CIITA: variants seen among roughly 807,000 people sequenced by gnomAD.
The protein encoded by CIITA is MHC class II transactivator.
CIITA carries 72 observed loss-of-function variants against 115.1 expected under a neutral mutation model. The ratio of observed to expected loss-of-function variants is 0.63; its 90% CI spans 0.52 to 0.76. The LOEUF is 0.76. Among genes scored for constraint, CIITA ranks in the 30% least tolerant of loss-of-function variants. The pLI, the probability that CIITA is intolerant of heterozygous loss-of-function variation, is 0.00. For missense variants in CIITA, 1,617 were observed against 1,463.8 expected (o/e 1.10, Z -1.71); for synonymous variants, 763 against 635.6 (o/e 1.20, Z -3.02).
Position 10,941,758 on chromosome 16 carries a change from G to C in CIITA, n.884G>C. On this transcript the variant is annotated non_coding_transcript_exon_variant, in exon 2 of 2. Coordinates refer to the CIITA transcript ENST00000573379. The surrounding 1 kb of genome is among the most constrained non-coding windows in gnomAD (Gnocchi z 6.4). ...ATCAAAGACGTCGAGCTCCGAGTCA[G>C]CATCGTAAAGGCCCGAGCCGGGGTC... The C allele has an allele frequency of 4.3e-6, 7 of 1,612,860 alleles. No individual in the cohort carries two copies. Among genetic ancestry groups the C allele is most frequent in the Non-Finnish European group, 5.1e-6 (6 of 1,179,394 alleles).
chr16:10,917,206 C>T (rs2040001198), intron 15 of CIITA, among the ~76,000 whole-genome samples: 1 of 152,176 alleles, frequency 6.6e-6, no homozygotes, highest in Non-Finnish European at 1.5e-5. Context: ...GACAAGGTCT[C>T]GCTCTGTCAC....
chr16:10,902,345 G>A (rs1006176989), intron 7 of CIITA, among the ~76,000 whole-genome samples, 161 bp downstream of exon 7: 2 of 152,112 alleles, frequency 1.3e-5, no homozygotes, highest in African/African-American at 4.8e-5. Context: ...TGGGGCCCCC[G>A]TCAGCTCAAT....
chr16:10,903,662 G>A (rs1235340208), intron 8 of CIITA, 69 bp from the exon 9 acceptor site: 3 of 1,555,924 alleles, frequency 1.9e-6, no homozygotes, highest in Non-Finnish European at 2.7e-6. Context: ...TTTGGAGTAG[G>A]GGTGACCCAA....
chr16:10,901,215 C>T lies in CIITA; in HGVS notation c.437-299C>T, dbSNP rs769669940. Among the ~76,000 whole-genome samples the T allele has an allele frequency of 1.3e-4, 20 of 152,312 alleles. No individual in the cohort carries two copies. The highest frequency in any genetic ancestry group is 2.2e-4 in the Non-Finnish European group (15 of 68,026). ...ATTGCAAAGGCACACAGCTAGGAAGCGGTTCAAAAGCAGGTTCCTTTGTTT... is the reference window on the plus strand; with the variant it reads ...ATTGCAAAGGCACACAGCTAGGAAGTGGTTCAAAAGCAGGTTCCTTTGTTT... On this transcript the variant is annotated intron_variant, in intron 5 of 19. Transcript: ENST00000324288. The surrounding 1 kb of genome is among the most constrained non-coding windows in gnomAD (Gnocchi z 6.8).
In CIITA at chr16:10,893,302, T is replaced by C. The variant is rs555705696; in HGVS notation, c.53-1980T>C. On this transcript the variant is annotated intron_variant, in intron 1 of 19. Transcript: ENST00000324288. Reference sequence around the variant, plus strand: ...TTTCAGCAGCCCTGGGAAATGAATATACCATGGAAACATGGACCTGAACCA... The same window carrying C: ...TTTCAGCAGCCCTGGGAAATGAATACACCATGGAAACATGGACCTGAACCA... 1.2e-4 allele frequency among the ~76,000 whole-genome samples: 18 copies of C among 152,236 alleles called. No individual in the cohort carries two copies. The East Asian group carries it at 2.3e-3, about 20-fold the overall frequency.
rs750658139 is a variant in CIITA at position 10,906,674 on chromosome 16, A to G, written c.1182A>G (p.Gln394=). Residue 394 remains glutamine (Q), a synonymous_variant, in exon 11 of 20, where the codon CAA becomes CAG. Coordinates refer to ENST00000324288, the MANE Select transcript of CIITA (RefSeq NM_000246.4). ...ACTGGGCAGAACGGCAGCTGGCCCA[A>G]GGAGGCCTGGCTGAGGTGCTGTTGG... ...TPDWAERQLA[Q]GGLAEVLLAA... is the part of the protein sequence containing the mutation. 2 of 1,613,362 alleles carry G rather than the reference A, an allele frequency of 1.2e-6. No homozygotes were observed. The highest frequency in any genetic ancestry group is 1.1e-5 in the South Asian group (1 of 91,080).
At chr16:10,889,506 C>CTTTTTTG (rs369025433) in intron 1 of CIITA, among the ~76,000 whole-genome samples, 13 of 151,720 alleles carry the variant, frequency 8.6e-5, no homozygotes, top group African/African-American at 2.4e-4. Flanking sequence ...GCAGGACAAT[C>CTTTTTTG]TTTTTTGTTT....
rs77623563 is a variant in CIITA, at chr16:10,927,237, T to C, written c.*3382T>C. 5 of 152,366 alleles carry C rather than the reference T, an allele frequency of 3.3e-5. No individual in the cohort carries two copies. The East Asian group carries it at 9.6e-4, about 29-fold the overall frequency. 9.4% of individuals were successfully genotyped at this position (152,366 alleles called of 1,614,324 possible). A position where few individuals can be genotyped will look rare whatever the true frequency, so the allele number is the denominator to read the frequency against. On this transcript the variant is annotated 3_prime_UTR_variant, in exon 20 of 20. Transcript: ENST00000324288. ...TGTTCTTCCCAGCTCTCCATATGGC[T>C]GATTTCTCATCCTTCGGGACTTGCC...
chr16:10,880,560 A>T (rs2143614176), intron 1 of CIITA, among the ~76,000 whole-genome samples: 1 of 152,310 alleles, frequency 6.6e-6, no homozygotes, highest in Middle Eastern at 3.4e-3. Context: ...AGCCCAGCCC[A>T]GTGCAGCAAG....
intron 15 of CIITA, 73 bp downstream of exon 15, chr16:10,916,532 T>A: frequency 7.8e-7 from 1 of 1,279,174 alleles, no homozygotes; most frequent in Non-Finnish European, 1.1e-6. Context: ...AAAATTAATT[T>A]AAATTTGTTT....
In CIITA at chr16:10,902,801, G is replaced by A; in HGVS notation, c.772G>A (p.Gly258Ser). ...TGVSSIFIYHGEVPQASQVPP... is the reference protein window; with the variant it reads ...TGVSSIFIYHSEVPQASQVPP... ...GGTCTCCAGTATATTCATCTACCAT[G>A]GTGAGTGCGGGGCCTGGCTCCCCGA... Residue 258 changes from glycine to serine, a missense_variant and splice_region_variant, in exon 8 of 20, where the codon GGT (glycine) becomes AGT (serine). Coordinates refer to ENST00000324288, the MANE Select transcript of CIITA (RefSeq NM_000246.4). 6.2e-7 allele frequency: 1 copy of A among 1,614,084 alleles called. No homozygotes were observed. The highest frequency in any genetic ancestry group is 8.5e-7 in the Non-Finnish European group (1 of 1,180,014).
chr16:10,903,746 C>T lies in CIITA; in HGVS notation c.788C>T (p.Ala263Val). ...IFIYHGEVPQ[A>V]SQVPPPSGFT... is the part of the protein sequence containing the mutation. The stretch of plus-strand genomic sequence containing the variant: ...CCCAATGTAGGTGAGGTGCCCCAGG[C>T]CAGCCAAGTACCCCCTCCCAGTGGA... Residue 263 changes from alanine to valine, a missense_variant, in exon 9 of 20, where the codon GCC becomes GTC. Physicochemically the swap from Ala to Val is moderately conservative, Grantham distance 64. Coordinates refer to ENST00000324288, the MANE Select transcript of CIITA (RefSeq NM_000246.4). 5 of 1,614,170 alleles carry T rather than the reference C, an allele frequency of 3.1e-6. No individual in the cohort carries two copies. Among genetic ancestry groups the T allele is most frequent in the Non-Finnish European group, 8.5e-7 (1 of 1,180,024 alleles).
At chr16:10,915,359 C>T (rs1021970758) in intron 13 of CIITA, among the ~76,000 whole-genome samples, 4 of 152,078 alleles carry the variant, frequency 2.6e-5, no homozygotes, top group Admixed American at 2.6e-4. Flanking sequence ...CTCAACTGGC[C>T]TCTTATGGGG....
rs2039350933 is a variant in CIITA, at chr16:10,908,742, CT to C, written c.2658-286del. On this transcript the variant is annotated intron_variant, in intron 11 of 19. Coordinates refer to ENST00000324288, the MANE Select transcript of CIITA (RefSeq NM_000246.4). Reference sequence around the variant, plus strand: ...CAGAGGATTGCTTCCATATTTCCCCCTAAACATACTTTACCCAAGCTGTAAG... The same window carrying C: ...CAGAGGATTGCTTCCATATTTCCCCCAAACATACTTTACCCAAGCTGTAAG... 8.5e-6 allele frequency: 5 copies of C among 587,832 alleles called. 1 individual carries two copies. The highest frequency in any genetic ancestry group is 8.1e-5 in the South Asian group (4 of 49,378). The allele number at this position is 587,832 out of a possible 1,614,324, so 36.4% of individuals were successfully genotyped here.
chr16:10,937,897 G>A (rs955398607), downstream of CIITA: 2 of 152,260 alleles, frequency 1.3e-5, no homozygotes, highest in Non-Finnish European at 2.9e-5. This position sits in a 1 kb window ranked among gnomAD's most constrained non-coding sequence, Gnocchi z 4.2. Flanking sequence ...GTTCTCCTAA[G>A]GGTCCTGGGG....
intron 1 of CIITA, among the ~76,000 whole-genome samples, chr16:10,877,666 T>C (rs762537251): frequency 6.6e-6 from 1 of 152,194 alleles, no homozygotes. Context: ...ACTCTCAGCA[T>C]GCTGGCCTGG....
At chr16:10,870,786 C>A (rs1271196392) in intron 1 of CIITA, among the ~76,000 whole-genome samples, 1 of 152,204 alleles carries the variant, frequency 6.6e-6, no homozygotes, top group Admixed American at 6.5e-5. Context: ...TAGGTAGAAA[C>A]CTTCCAAGGC....
Position 10,907,064 on chromosome 16 carries a change from C to T in CIITA, c.1572C>T (p.Ser524=), listed in dbSNP as rs745753805. The T allele has an allele frequency of 5.3e-5, 85 of 1,607,308 alleles. No individual in the cohort carries two copies. Among genetic ancestry groups the T allele is most frequent in the Admixed American group, 3.3e-4 (20 of 59,992 alleles). ...TCGPAPAEPC[S]LRGLLAGLFQ... ...GACCGGCACCGGCGGAGCCCTGCTC[C>T]CTCCGGGGGCTGCTGGCCGGCCTTT... The change falls in exon 11 of 20, where the codon TCC becomes TCT. Residue 524 remains serine (S), a synonymous_variant. Coordinates refer to ENST00000324288, the MANE Select transcript of CIITA (RefSeq NM_000246.4). The surrounding 1 kb of genome is among the most constrained non-coding windows in gnomAD (Gnocchi z 5.0).
rs1291431107 is a variant in CIITA at position 10,924,541 on chromosome 16, AG to A, written c.*687del. The stretch of plus-strand genomic sequence containing the variant: ...AGCCACTGCACCGGGCCACAGAGAA[AG>A]TACTTCTCCACCCTGCTCTCCGACC... On this transcript the variant is annotated 3_prime_UTR_variant, in exon 20 of 20. Transcript: ENST00000324288. The A allele has an allele frequency of 6.6e-6, 1 of 152,378 alleles. No individual in the cohort carries two copies. The highest frequency in any genetic ancestry group is 1.5e-5 in the Non-Finnish European group (1 of 68,172). 9.4% of individuals were successfully genotyped at this position (152,378 alleles called of 1,614,324 possible).
Sources: allele counts gnomAD v4.1 joint callset (sites outside exome capture counted in the v4.1 genomes callset), GRCh38; gene constraint gnomAD v4.1.1; non-coding constraint Gnocchi (gnomAD v3.1); transcripts MANE v1.5; gene names NCBI Gene and HGNC (gene_info 2026-07-23, HGNC 2026-07-21).